The following OXR1 variants were observed in gnomAD, a reference collection of about 807,000 sequenced individuals.
OXR1 encodes the protein oxidation resistance 1, also known as oxidation resistance protein 1.
In OXR1, 41 loss-of-function variants were observed where a neutral mutation model predicts 104.6. The ratio of observed to expected loss-of-function variants is 0.39; its 90% CI spans 0.31 to 0.51. The LOEUF is 0.51. Ranked by LOEUF, OXR1 falls within the 20% of genes least tolerant of loss-of-function variation. The pLI is 0.77. For missense variants in OXR1, 955 were observed against 1,031.9 expected (o/e 0.93, Z 1.02); for synonymous variants, 348 against 348.4 (o/e 1.00, Z 0.01).
intron 2 of OXR1, among the ~76,000 whole-genome samples, chr8:106,381,007 C>A (rs563780312): frequency 2.0e-5 from 3 of 151,960 alleles, no homozygotes; most frequent in Non-Finnish European, 4.4e-5. Flanking sequence ...GGCATTAGTA[C>A]GACAATTCAA....
chr8:106,443,596 A>G (rs1181162886), intron 2 of OXR1, among the ~76,000 whole-genome samples: 1 of 152,126 alleles, frequency 6.6e-6, no homozygotes, highest in Non-Finnish European at 1.5e-5. Flanking sequence ...GTGTTCCTGT[A>G]CTGGGTGCAT....
intron 2 of OXR1, among the ~76,000 whole-genome samples, chr8:106,414,445 G>T (rs1818588987): frequency 6.6e-6 from 1 of 152,058 alleles, no homozygotes; most frequent in Non-Finnish European, 1.5e-5. Context: ...TTATATATGG[G>T]ATCTCATTTA....
chr8:106,576,345 A>C (rs1817829887), intron 3 of OXR1, among the ~76,000 whole-genome samples: 1 of 151,796 alleles, frequency 6.6e-6, no homozygotes, highest in Non-Finnish European at 1.5e-5. Context: ...AAAGAAAATT[A>C]ACTTTATGTT....
chr8:106,394,075 T>G (rs1817684770), intron 2 of OXR1, among the ~76,000 whole-genome samples: 1 of 152,066 alleles, frequency 6.6e-6, no homozygotes, highest in African/African-American at 2.4e-5. Context: ...CCATAACTGT[T>G]GTACAGATAT....
intron 3 of OXR1, among the ~76,000 whole-genome samples, chr8:106,652,766 A>C (rs890748122): frequency 6.6e-6 from 1 of 151,936 alleles, no homozygotes; most frequent in East Asian, 1.9e-4. Flanking sequence ...GGAAATTATA[A>C]AGATTAGCAT....
intron 9 of OXR1, among the ~76,000 whole-genome samples, chr8:106,709,810 G>C (rs78244768): frequency 6.6e-6 from 1 of 152,164 alleles, no homozygotes; most frequent in South Asian, 2.1e-4. Flanking sequence ...ATAAAATTAT[G>C]TAATAAATAT....
chr8:106,303,797 G>A (rs1308749463), intron 1 of OXR1, among the ~76,000 whole-genome samples: 1 of 152,108 alleles, frequency 6.6e-6, no homozygotes, highest in African/African-American at 2.4e-5. Flanking sequence ...GTATATTTGT[G>A]TATGTGTTTC....
At chr8:106,392,052 C>T (rs1406884911) in intron 2 of OXR1, among the ~76,000 whole-genome samples, 2 of 152,144 alleles carry the variant, frequency 1.3e-5, no homozygotes, top group Non-Finnish European at 2.9e-5. Context: ...TTTGAAAGAA[C>T]CAGGTGATGA....
chr8:106,369,515 GT>G (rs1420467418), intron 2 of OXR1, among the ~76,000 whole-genome samples: 1 of 152,112 alleles, frequency 6.6e-6, no homozygotes, highest in Non-Finnish European at 1.5e-5. Context: ...TTCTTCTAGG[GT>G]TTTTATGGTT....
At chr8:106,270,572 G>T (rs1811753539) in intron 1 of OXR1, among the ~76,000 whole-genome samples, 1 of 152,182 alleles carries the variant, frequency 6.6e-6, no homozygotes, top group Non-Finnish European at 1.5e-5. Flanking sequence ...GAGCAGGAGG[G>T]CAGAACTAGC....
At chr8:106,541,245 G>C (rs1010311900) in intron 3 of OXR1, among the ~76,000 whole-genome samples, 1 of 152,146 alleles carries the variant, frequency 6.6e-6, no homozygotes, top group Admixed American at 6.5e-5. Context: ...AAAACATTTA[G>C]TAGTGTGTCA....
intron 3 of OXR1, among the ~76,000 whole-genome samples, chr8:106,617,733 T>C (rs1191778693): frequency 6.6e-6 from 1 of 152,182 alleles, no homozygotes; most frequent in Non-Finnish European, 1.5e-5. Context: ...CTGCTACCTG[T>C]TGTTGCTATT....
At chr8:106,528,141 A>T (rs1813830567) in intron 3 of OXR1, among the ~76,000 whole-genome samples, 1 of 148,664 alleles carries the variant, frequency 6.7e-6, no homozygotes, top group Non-Finnish European at 1.5e-5. Context: ...TCTTTCTTCC[A>T]CCCTGTTTCC....
chr8:106,415,211 T>A (rs1818622720), intron 2 of OXR1, among the ~76,000 whole-genome samples: 1 of 152,180 alleles, frequency 6.6e-6, no homozygotes, highest in Non-Finnish European at 1.5e-5. Flanking sequence ...TCTCTCATCC[T>A]TGTAAATATT....
intron 3 of OXR1, among the ~76,000 whole-genome samples, chr8:106,668,738 CATTAT>C (rs1040811550): frequency 3.9e-5 from 6 of 152,122 alleles, no homozygotes; most frequent in African/African-American, 1.2e-4. Flanking sequence ...ATTTAGAAAC[CATTAT>C]ATTAGTTTGA....
intron 6 of OXR1, among the ~76,000 whole-genome samples, chr8:106,687,773 A>T (rs1231235579): frequency 6.6e-6 from 1 of 152,088 alleles, no homozygotes; most frequent in African/African-American, 2.4e-5. Flanking sequence ...CTGACCAATA[A>T]GTATTGTATC....
intron 6 of OXR1, 137 bp from the exon 7 acceptor site, chr8:106,692,591 T>C (rs1446877378): frequency 6.3e-6 from 3 of 474,818 alleles, no homozygotes; most frequent in Non-Finnish European, 1.1e-5. Context: ...GTAAAAATAT[T>C]TCGGGCTGAC....
intron 9 of OXR1, among the ~76,000 whole-genome samples, chr8:106,708,259 G>A (rs926320724): frequency 6.6e-6 from 1 of 151,994 alleles, no homozygotes; most frequent in Admixed American, 6.6e-5. Flanking sequence ...CGTCAGACAT[G>A]GTGATGGTGC....
chr8:106,466,524 A>G (rs969878602), intron 2 of OXR1, among the ~76,000 whole-genome samples: 9 of 151,998 alleles, frequency 5.9e-5, no homozygotes, highest in East Asian at 1.9e-4. Flanking sequence ...TTTGCTCTCA[A>G]TTCAAAAATT....
Sources: gnomAD v4.1 joint callset for allele counts (sites outside exome capture counted in the v4.1 genomes callset) on GRCh38, gnomAD v4.1.1 for gene constraint, MANE v1.5 for transcripts, NCBI Gene and HGNC (gene_info 2026-07-23, HGNC 2026-07-21) for gene names.